The following RPTOR variants were observed in gnomAD, a reference collection of about 807,000 sequenced individuals.
The protein encoded by RPTOR is regulatory-associated protein of mTOR.
In RPTOR, 21 loss-of-function variants were observed where a neutral mutation model predicts 169.9. The ratio of observed to expected loss-of-function variants is 0.12; its 90% CI spans 0.09 to 0.18. The LOEUF (loss-of-function observed/expected upper bound fraction) is 0.18, where lower values mean the gene tolerates loss of function less well. RPTOR is among the 10% of genes least tolerant of loss of function. The pLI, the probability that RPTOR is intolerant of heterozygous loss-of-function variation, is 1.00. For missense variants in RPTOR, 1,133 were observed against 1,855.9 expected (o/e 0.61, Z 7.16); for synonymous variants, 732 against 753.2 (o/e 0.97, Z 0.46).
intron 6 of RPTOR, among the ~76,000 whole-genome samples, chr17:80,789,470 A>C (rs1386077314): frequency 6.6e-6 from 1 of 152,226 alleles, no homozygotes; most frequent in Non-Finnish European, 1.5e-5. Flanking sequence ...AGCAGATGTC[A>C]AAATCTCTAC....
At chr17:80,700,216 T>G (rs55890235) in intron 3 of RPTOR, among the ~76,000 whole-genome samples, 13,831 of 152,256 alleles carry the variant, frequency 0.091, 712 homozygotes, top group African/African-American at 0.14. Context: ...TTGCAGGGAC[T>G]CGTAGGTCTT....
intron 33 of RPTOR, 106 bp downstream of exon 33, chr17:80,963,163 G>A: frequency 8.8e-7 from 1 of 1,142,838 alleles, no homozygotes; most frequent in Non-Finnish European, 1.2e-6. Flanking sequence ...CCACACCACA[G>A]TGGGGCCCAT....
chr17:80,547,344 G>A (rs1441411172), intron 1 of RPTOR, among the ~76,000 whole-genome samples: 1 of 152,106 alleles, frequency 6.6e-6, no homozygotes, highest in Non-Finnish European at 1.5e-5. Flanking sequence ...CAGTTTTTTT[G>A]TTGTTGTTAT....
At chr17:80,949,381 A>C (rs1365658869) in intron 27 of RPTOR, 62 bp from the exon 28 acceptor site, 3 of 1,394,528 alleles carry the variant, frequency 2.2e-6, no homozygotes, top group South Asian at 2.3e-5. Context: ...ACCACCACGC[A>C]CAGAGCACAG....
intron 6 of RPTOR, among the ~76,000 whole-genome samples, chr17:80,774,953 C>T (rs1408434019): frequency 6.6e-6 from 1 of 152,246 alleles, no homozygotes; most frequent in Non-Finnish European, 1.5e-5. Context: ...CCCGCCTGTG[C>T]GTAGTCGTGC....
rs760039553 is a variant in RPTOR at position 80,861,520 on chromosome 17, C to T, written c.1509+3620C>T. ...TGTTTGGCAGGAAGTCATTTTGAAA[C>T]GTGGTTTCTGTCCTACACCCATATC... On this transcript the variant is annotated intron_variant, in intron 13 of 33. Transcript: ENST00000306801. The surrounding 1 kb of genome is among the most constrained non-coding windows in gnomAD (Gnocchi z 4.5). Among the ~76,000 whole-genome samples, 13 of 151,642 alleles carry T rather than the reference C, an allele frequency of 8.6e-5. 2 individuals carry two copies. The highest frequency in any genetic ancestry group is 5.8e-4 in the East Asian group (3 of 5,158).
intron 1 of RPTOR, among the ~76,000 whole-genome samples, chr17:80,578,093 T>C (rs955028293): frequency 6.6e-6 from 1 of 152,130 alleles, no homozygotes; most frequent in Non-Finnish European, 1.5e-5. Flanking sequence ...GCACGTTACA[T>C]TGGAATTTAT....
At chr17:80,849,871 G>A (rs1027784776) in intron 11 of RPTOR, among the ~76,000 whole-genome samples, 4 of 152,210 alleles carry the variant, frequency 2.6e-5, no homozygotes, top group Admixed American at 6.5e-5. Context: ...TGTGGGGTGC[G>A]TTTGCCCTCT....
At chr17:80,964,218 T>C (rs1175879555) in intron 33 of RPTOR, 44 bp from the exon 34 acceptor site, 3 of 1,259,288 alleles carry the variant, frequency 2.4e-6, no homozygotes, top group Admixed American at 3.4e-5. Flanking sequence ...CCGCAGTGTC[T>C]GCCCGCACCT....
intron 31 of RPTOR, chr17:80,961,700 T>C (rs961906046): frequency 7.2e-6 from 4 of 552,148 alleles, no homozygotes; most frequent in Admixed American, 3.5e-5. Flanking sequence ...TGCAGGCGCT[T>C]TGGGAACTTT....
chr17:80,548,195 C>T (rs113360999), intron 1 of RPTOR, among the ~76,000 whole-genome samples: 1 of 149,424 alleles, frequency 6.7e-6, no homozygotes, highest in African/African-American at 2.5e-5. Context: ...GTGATCCTCT[C>T]ACCTCAGCCT....
At chr17:80,795,544 G>A (rs2067092284) in intron 7 of RPTOR, among the ~76,000 whole-genome samples, 1 of 151,948 alleles carries the variant, frequency 6.6e-6, no homozygotes, top group Non-Finnish European at 1.5e-5. Flanking sequence ...CTATGAAGGT[G>A]GCTAAATGCT....
intron 6 of RPTOR, among the ~76,000 whole-genome samples, chr17:80,780,564 G>C (rs570502819): frequency 6.6e-6 from 1 of 152,320 alleles, no homozygotes; most frequent in African/African-American, 2.4e-5. Flanking sequence ...CGGCAGGGCT[G>C]CTGTAGGCGG....
rs2066378909 is a variant in RPTOR at position 80,730,277 on chromosome 17, T to G, written c.508-283T>G. Among the ~76,000 whole-genome samples, 1 of 152,166 alleles carries G rather than the reference T, an allele frequency of 6.6e-6. No homozygotes were observed. Among genetic ancestry groups the G allele is most frequent in the Admixed American group, 6.5e-5 (1 of 15,290 alleles). On this transcript the variant is annotated intron_variant, in intron 4 of 33. Transcript: ENST00000306801. The surrounding 1 kb of genome is among the most constrained non-coding windows in gnomAD (Gnocchi z 4.2). ...GCCCTTCACCATGTCTGGCTAATTT[T>G]GTATTTTTAGTAGAGACTGGGTTTT...
chr17:80,551,953 G>A (rs551095181), intron 1 of RPTOR, among the ~76,000 whole-genome samples: 2 of 152,280 alleles, frequency 1.3e-5, no homozygotes, highest in Non-Finnish European at 2.9e-5. Context: ...CTGCCTTCAA[G>A]CATCTGTTTA....
chr17:80,674,366 G>A lies in RPTOR; in HGVS notation c.348+30556G>A, dbSNP rs80289120. Among the ~76,000 whole-genome samples, 90 of 152,250 alleles carry A rather than the reference G, an allele frequency of 5.9e-4. No homozygotes were observed. The East Asian group carries it at 0.016, about 26-fold the overall frequency. The stretch of plus-strand genomic sequence containing the variant: ...AAGAAGTAGGGAAGAAGACCCCACT[G>A]TTTTCCTTTAAGGATGTTTCTTAAA... On this transcript the variant is annotated intron_variant, in intron 3 of 33. Coordinates refer to ENST00000306801, the MANE Select transcript of RPTOR (RefSeq NM_020761.3).
intron 3 of RPTOR, among the ~76,000 whole-genome samples, chr17:80,697,618 A>G (rs1189419544): frequency 6.6e-6 from 1 of 152,146 alleles, no homozygotes; most frequent in Admixed American, 6.5e-5. Context: ...CACGTCAGGG[A>G]CTTGGGAACG....
intron 25 of RPTOR, among the ~76,000 whole-genome samples, chr17:80,942,829 G>A (rs562617017): frequency 7.2e-5 from 11 of 152,296 alleles, no homozygotes; most frequent in South Asian, 4.1e-4. Flanking sequence ...TGGCTGTCAC[G>A]CACTGATTTT....
intron 11 of RPTOR, among the ~76,000 whole-genome samples, chr17:80,848,024 C>T (rs1240222620): frequency 2.6e-5 from 4 of 152,256 alleles, no homozygotes; most frequent in South Asian, 2.1e-4. Context: ...GGCTTCACCT[C>T]GTTCAGGACT....
Sources: allele counts gnomAD v4.1 joint callset (sites outside exome capture counted in the v4.1 genomes callset), GRCh38; gene constraint gnomAD v4.1.1; non-coding constraint Gnocchi (gnomAD v3.1); transcripts MANE v1.5; gene names NCBI Gene and HGNC (gene_info 2026-07-23, HGNC 2026-07-21).